DNAH2: variants seen among roughly 807,000 people sequenced by gnomAD.
The protein encoded by DNAH2 is axonemal beta dynein heavy chain 2.
A neutral mutation model predicts 523.5 loss-of-function variants in DNAH2; 323 were observed. The ratio of observed to expected loss-of-function variants is 0.62; its 90% confidence interval spans 0.56 to 0.68. DNAH2 has a LOEUF of 0.68. DNAH2 is among the 30% of genes least tolerant of loss of function. The probability of loss-of-function intolerance (pLI) is 0.00; values close to 1 mark genes in which losing one functional copy is unlikely to be tolerated. For missense variants in DNAH2, 4,907 were observed against 5,701.5 expected, an observed-to-expected ratio of 0.86 and a Z score of 4.49; for synonymous variants, 2,093 against 2,177.4, an observed-to-expected ratio of 0.96 and a Z score of 1.08.
intron 18 of DNAH2, among the ~76,000 whole-genome samples, chr17:7,761,479 C>T (rs1175720790): frequency 6.6e-6 from 1 of 150,974 alleles, no homozygotes; most frequent in Non-Finnish European, 1.5e-5. Flanking sequence ...ATGTTGCCCA[C>T]TCAGGAAGAA....
chr17:7,725,834 T>A (rs1033720883), intron 3 of DNAH2, among the ~76,000 whole-genome samples: 2 of 151,988 alleles, frequency 1.3e-5, no homozygotes, highest in Non-Finnish European at 2.9e-5. Flanking sequence ...TTAGTGTTTT[T>A]CTTATTGGTT....
In DNAH2 at chr17:7,733,475, C is replaced by CTTTTTTTTTTTTTTT. The variant is rs1199721840; in HGVS notation, c.628+166_628+180dup. ...AGGGTACAAGATCCGCCTTCTTCTT[C>CTTTTTTTTTTTTTTT]TTTTTTTTTTTTTTTTTTTTGAGAT... is the stretch of plus-strand genomic sequence containing the variant. On this transcript the variant is annotated intron_variant, in intron 5 of 85. Transcript: ENST00000572933. Among the ~76,000 whole-genome samples, 67 of 113,858 alleles carry CTTTTTTTTTTTTTTT rather than the reference C, an allele frequency of 5.9e-4. 3 individuals carry two copies. Among genetic ancestry groups the CTTTTTTTTTTTTTTT allele is most frequent in the African/African-American group, 1.9e-3 (59 of 30,904 alleles). The allele number at this position is 113,858 out of a possible 152,430, so 74.7% of individuals were successfully genotyped here.
At position 7,805,244 on chromosome 17, in the gene DNAH2, T is replaced by C; in HGVS notation, c.9301-8T>C. ...GTCTTACCCTCACTTTATCCCCTTTTCCCCCAGGCCCTGGAGTCTCTGAAC... is the reference window on the plus strand; with the variant it reads ...GTCTTACCCTCACTTTATCCCCTTTCCCCCCAGGCCCTGGAGTCTCTGAAC... On this transcript the variant is annotated splice_region_variant and splice_polypyrimidine_tract_variant and intron_variant, in intron 60 of 85. Coordinates refer to ENST00000572933, the MANE Select transcript of DNAH2 (RefSeq NM_020877.5). The C allele has an allele frequency of 6.2e-7, 1 of 1,613,978 alleles. No homozygotes were observed. Among genetic ancestry groups the C allele is most frequent in the Non-Finnish European group, 8.5e-7 (1 of 1,179,942 alleles).
intron 11 of DNAH2, 47 bp from the exon 12 acceptor site, chr17:7,742,881 A>C: frequency 2.3e-6 from 3 of 1,316,944 alleles, no homozygotes; most frequent in South Asian, 2.6e-5. Context: ...TGGCCCCTGG[A>C]GGAAGGTGGC....
chr17:7,775,957 T>G, intron 30 of DNAH2, 67 bp from the exon 31 acceptor site: 1 of 1,592,498 alleles, frequency 6.3e-7, no homozygotes, highest in Non-Finnish European at 8.6e-7. Context: ...CATAAGTGCC[T>G]TCCCTGTGGA....
In DNAH2 at chr17:7,740,493, G is replaced by T; in HGVS notation, c.1450G>T (p.Asp484Tyr). The T allele has an allele frequency of 1.9e-6, 3 of 1,614,208 alleles. No homozygotes were observed. Among genetic ancestry groups the T allele is most frequent in the Non-Finnish European group, 2.5e-6 (3 of 1,180,032 alleles). The change falls in exon 10 of 86, where the codon GAC becomes TAC. Residue 484 changes from aspartate (D) to tyrosine (Y), a missense_variant. By Grantham distance (160) the Asp-to-Tyr change is radical. Coordinates refer to ENST00000572933, the MANE Select transcript of DNAH2 (RefSeq NM_020877.5). ...LITSAFELVR[D>Y]VPHGVLLLDT... ...CACCTCAGCCTTCGAGTTGGTGCGG[G>T]ACGTGCCGCACGGCGTGCTTCTGCT...
rs1403702856 is a variant in DNAH2 at position 7,832,339 on chromosome 17, C to G, written c.12727-240C>G. Among the ~76,000 whole-genome samples the G allele has an allele frequency of 6.6e-6, 1 of 151,906 alleles. No homozygotes were observed. Among genetic ancestry groups the G allele is most frequent in the Admixed American group, 6.6e-5 (1 of 15,244 alleles). ...CCTGGTCAACATGGTGAAACCCCGT[C>G]TCTACTAAAAAAATACAAAAATTAG... On this transcript the variant is annotated intron_variant, in intron 82 of 85. Coordinates refer to ENST00000572933, the MANE Select transcript of DNAH2 (RefSeq NM_020877.5). The surrounding 1 kb of genome is among the most constrained non-coding windows in gnomAD (Gnocchi z 4.3).
rs1205287400 is a variant in DNAH2 at position 7,793,070 on chromosome 17, G to A, written c.7434G>A (p.Met2478Ile). 1.2e-6 allele frequency: 2 copies of A among 1,614,102 alleles called. No individual in the cohort carries two copies. Among genetic ancestry groups the A allele is most frequent in the East Asian group, 2.2e-5 (1 of 44,900 alleles). Residue 2478 changes from methionine (M) to isoleucine (I), a missense_variant, in exon 48 of 86, where the codon ATG becomes ATA. Transcript: ENST00000572933. ...GVYVPFGGKS[M>I]ITFMDDLNMP... ...ACGTGCCATTCGGGGGCAAAAGCAT[G>A]ATCACCTTTATGGATGACCTAAATA...
chr17:7,808,709 A>G (rs900242355), intron 63 of DNAH2, among the ~76,000 whole-genome samples: 2 of 152,158 alleles, frequency 1.3e-5, no homozygotes, highest in African/African-American at 4.8e-5. Flanking sequence ...TCCTGGGTTC[A>G]AGAGATTCTC....
At position 7,801,670 on chromosome 17, in the gene DNAH2, A is replaced by T. The variant is rs1265106180; in HGVS notation, c.8792A>T (p.Glu2931Val). ...WPQEALLEVA[E>V]KCLIGVDLGT... ...CAAGAGGCCCTGCTCGAGGTGGCTGAGAAGTGCCTCATAGGAGTAGACCTG... is the reference window on the plus strand; with the variant it reads ...CAAGAGGCCCTGCTCGAGGTGGCTGTGAAGTGCCTCATAGGAGTAGACCTG... The change falls in exon 57 of 86, where the codon GAG becomes GTG. Residue 2931 changes from glutamate (E) to valine (V), a missense_variant. Coordinates refer to ENST00000572933, the MANE Select transcript of DNAH2 (RefSeq NM_020877.5). 15 of 1,614,040 alleles carry T rather than the reference A, an allele frequency of 9.3e-6. No individual in the cohort carries two copies. Among genetic ancestry groups the T allele is most frequent in the African/African-American group, 1.3e-5 (1 of 74,932 alleles).
chr17:7,769,781 T>C (rs2151219131), intron 24 of DNAH2, among the ~76,000 whole-genome samples: 1 of 152,368 alleles, frequency 6.6e-6, no homozygotes, highest in Admixed American at 6.5e-5. Flanking sequence ...TACTTCTTTG[T>C]CTTTCTTCCA....
At chr17:7,751,482 C>A (rs2075681475) in intron 12 of DNAH2, among the ~76,000 whole-genome samples, 1 of 151,974 alleles carries the variant, frequency 6.6e-6, no homozygotes, top group Non-Finnish European at 1.5e-5. Flanking sequence ...ATGTTTGATC[C>A]ATTTGAAATT....
At position 7,805,385 on chromosome 17, in the gene DNAH2, G is replaced by A; in HGVS notation, c.9434G>A (p.Arg3145Lys). The change falls in exon 61 of 86, where the codon AGG becomes AAG. Residue 3145 changes from arginine (R) to lysine (K), a missense_variant. Coordinates refer to ENST00000572933, the MANE Select transcript of DNAH2 (RefSeq NM_020877.5). ...GNEPTWAEAKRQLGEQNFIKS... is the reference protein window; with the variant it reads ...GNEPTWAEAKKQLGEQNFIKS... ...GAGCCCACATGGGCAGAGGCCAAGA[G>A]GCAGCTAGGTAAGCTAGAGACAATG... 6.2e-7 allele frequency: 1 copy of A among 1,614,226 alleles called. No homozygotes were observed. Among genetic ancestry groups the A allele is most frequent in the Non-Finnish European group, 8.5e-7 (1 of 1,180,044 alleles).
chr17:7,794,417 C>T, intron 49 of DNAH2, 59 bp downstream of exon 49: 2 of 1,482,386 alleles, frequency 1.3e-6, no homozygotes, highest in Non-Finnish European at 1.8e-6. Flanking sequence ...ACGTGTCTGT[C>T]TCAGAGAAGC....
At chr17:7,819,963 A>T (rs2077808425) in intron 72 of DNAH2, among the ~76,000 whole-genome samples, 1 of 152,112 alleles carries the variant, frequency 6.6e-6, no homozygotes, top group Non-Finnish European at 1.5e-5. Flanking sequence ...ATTGGGAGTT[A>T]TCCTTTATTT....
At chr17:7,721,394 G>A (rs1256156577) in intron 2 of DNAH2, among the ~76,000 whole-genome samples, 1 of 151,878 alleles carries the variant, frequency 6.6e-6, no homozygotes, top group East Asian at 1.9e-4. Flanking sequence ...GGCTGGTCTC[G>A]AACTCCTGTC....
At chr17:7,745,868 C>T (rs1002378690) in intron 12 of DNAH2, among the ~76,000 whole-genome samples, 4 of 152,132 alleles carry the variant, frequency 2.6e-5, no homozygotes, top group African/African-American at 7.2e-5. Context: ...TCCTTCTACT[C>T]GCCAGGGGTC....
At chr17:7,792,488 G>A in intron 46 of DNAH2, 145 bp downstream of exon 46, 1 of 1,030,290 alleles carries the variant, frequency 9.7e-7, no homozygotes, top group Non-Finnish European at 1.4e-6. Flanking sequence ...AGGACAGGAA[G>A]CGGGACCTAG....
At position 7,832,822 on chromosome 17, in the gene DNAH2, G is replaced by T; in HGVS notation, c.12904-32G>T. Reference sequence around the variant, plus strand: ...GCCATGTATGTGTTCTCCTCTTCAGGGTCCTCTCTTATTCTCACCTTCAAC... The same window carrying T: ...GCCATGTATGTGTTCTCCTCTTCAGTGTCCTCTCTTATTCTCACCTTCAAC... On this transcript the variant is annotated intron_variant, in intron 83 of 85. Coordinates refer to ENST00000572933, the MANE Select transcript of DNAH2 (RefSeq NM_020877.5). The surrounding 1 kb of genome is among the most constrained non-coding windows in gnomAD (Gnocchi z 4.3). 1 of 1,613,986 alleles carries T rather than the reference G, an allele frequency of 6.2e-7. No individual in the cohort carries two copies. Among genetic ancestry groups the T allele is most frequent in the Non-Finnish European group, 8.5e-7 (1 of 1,179,994 alleles).
Sources: gnomAD v4.1 joint callset for allele counts (sites outside exome capture counted in the v4.1 genomes callset) on GRCh38, gnomAD v4.1.1 for gene constraint, Gnocchi (gnomAD v3.1) non-coding constraint, MANE v1.5 for transcripts, NCBI Gene and HGNC (gene_info 2026-07-23, HGNC 2026-07-21) for gene names.